The following TBCK variants were observed in gnomAD, a reference collection of about 807,000 sequenced individuals.
The protein encoded by TBCK is TBC domain-containing protein kinase-like protein.
TBCK carries 99 observed loss-of-function variants against 113.4 expected under a neutral mutation model. That is an observed-to-expected ratio of 0.87 (90% CI 0.74 to 1.03). The LOEUF is 1.03. Ranked by LOEUF, TBCK falls within the 50% of genes least tolerant of loss-of-function variation. TBCK has a pLI of 0.00. For synonymous variants in TBCK, 369 were observed against 370.8 expected (o/e 1.00, Z 0.05); for missense variants, 1,045 against 1,061.3 (o/e 0.98, Z 0.21).
At chr4:106,244,259 A>C (rs965614570) in intron 11 of TBCK, among the ~76,000 whole-genome samples, 3 of 152,180 alleles carry the variant, frequency 2.0e-5, no homozygotes, top group Non-Finnish European at 4.4e-5. Context: ...ATAGTTCTTC[A>C]TAGTAGGAAC....
At chr4:106,155,145 A>AT (rs77812482) in intron 23 of TBCK, among the ~76,000 whole-genome samples, 21,241 of 146,240 alleles carry the variant, frequency 0.15, 1,633 homozygotes, top group South Asian at 0.25. Context: ...CTAGGGTAAA[A>AT]TTTTTTTTTT....
intron 19 of TBCK, among the ~76,000 whole-genome samples, chr4:106,217,254 C>T (rs897006115): frequency 6.6e-6 from 1 of 152,100 alleles, no homozygotes; most frequent in African/African-American, 2.4e-5. Context: ...AACCCACAGC[C>T]AATATCATAC....
chr4:106,275,745 A>G (rs1177142814), intron 3 of TBCK, among the ~76,000 whole-genome samples: 1 of 152,130 alleles, frequency 6.6e-6, no homozygotes, highest in African/African-American at 2.4e-5. Flanking sequence ...ATAAACTATA[A>G]AACACTGTTG....
intron 12 of TBCK, 84 bp from the exon 13 acceptor site, chr4:106,236,892 C>A: frequency 2.9e-6 from 2 of 694,220 alleles, no homozygotes; most frequent in Non-Finnish European, 2.2e-6. Context: ...AGTAATATAA[C>A]AACTATAAAT....
chr4:106,110,728 T>G (rs751468098), intron 24 of TBCK, among the ~76,000 whole-genome samples: 3 of 152,134 alleles, frequency 2.0e-5, no homozygotes, highest in African/African-American at 7.2e-5. Context: ...GCTCTGGTCC[T>G]ACTCTACACA....
At chr4:106,255,640 G>C (rs1761906941) in intron 5 of TBCK, among the ~76,000 whole-genome samples, 1 of 152,032 alleles carries the variant, frequency 6.6e-6, no homozygotes. Flanking sequence ...AAAGTTCCTA[G>C]GTCTGGGCTC....
chr4:106,120,212 C>T (rs1400123935), intron 23 of TBCK, among the ~76,000 whole-genome samples: 1 of 152,144 alleles, frequency 6.6e-6, no homozygotes, highest in African/African-American at 2.4e-5. Context: ...GACTGATGCA[C>T]CTGGAAAATC....
chr4:106,119,728 T>C (rs72964437), intron 23 of TBCK, among the ~76,000 whole-genome samples: 4,184 of 152,198 alleles, frequency 0.027, 186 homozygotes, highest in African/African-American at 0.096. Flanking sequence ...AGAGACAACT[T>C]GCAGAATGGG....
intron 19 of TBCK, 135 bp from the exon 20 acceptor site, chr4:106,212,970 T>C (rs1377994071): frequency 3.3e-6 from 2 of 606,160 alleles, no homozygotes; most frequent in Admixed American, 3.3e-5. Context: ...TAATTTTGTT[T>C]TGTTACTATT....
intron 20 of TBCK, among the ~76,000 whole-genome samples, chr4:106,197,364 GTGTA>G (rs1431471111): frequency 7.0e-6 from 1 of 143,830 alleles, no homozygotes; most frequent in African/African-American, 2.5e-5. Context: ...GTGTGTGTGT[GTGTA>G]CACAGAAAAC....
At chr4:106,305,430 T>A (rs1242307695) in intron 2 of TBCK, among the ~76,000 whole-genome samples, 1 of 152,056 alleles carries the variant, frequency 6.6e-6, no homozygotes, top group Non-Finnish European at 1.5e-5. Context: ...AAATAAAACA[T>A]AACAGACAGA....
At chr4:106,196,835 C>G (rs559861986) in intron 20 of TBCK, among the ~76,000 whole-genome samples, 2 of 152,146 alleles carry the variant, frequency 1.3e-5, no homozygotes, top group South Asian at 4.2e-4. Flanking sequence ...TTACCTTCTC[C>G]CTTTTTGATG....
chr4:106,065,921 T>TA (rs1052974704), intron 25 of TBCK, among the ~76,000 whole-genome samples: 1 of 152,054 alleles, frequency 6.6e-6, no homozygotes, highest in Non-Finnish European at 1.5e-5. Context: ...TTTATCTAGA[T>TA]AAAAAATGGC....
At chr4:106,227,448 C>T (rs28521931) in intron 19 of TBCK, among the ~76,000 whole-genome samples, 171 of 151,770 alleles carry the variant, frequency 1.1e-3, no homozygotes, top group African/African-American at 4.0e-3. Flanking sequence ...TTCCTTTCTG[C>T]TTCCTTTCTA....
At chr4:106,163,656 A>C (rs1560744437) in intron 23 of TBCK, 1 of 152,198 alleles carries the variant, frequency 6.6e-6, no homozygotes, top group Admixed American at 6.5e-5. Flanking sequence ...ATGAGAGCCA[A>C]GCAAAGGAGA....
intron 19 of TBCK, among the ~76,000 whole-genome samples, chr4:106,228,489 T>C (rs61610478): frequency 0.011 from 1,714 of 152,116 alleles, 32 homozygotes; most frequent in African/African-American, 0.039. Flanking sequence ...AGTGAGAACA[T>C]GTGAAGCCTG....
At position 106,195,689 on chromosome 4, in the gene TBCK, C is replaced by T. The variant is rs546407709; in HGVS notation, c.1861-935G>A. Among the ~76,000 whole-genome samples, 27 of 152,094 alleles carry T rather than the reference C, an allele frequency of 1.8e-4. No homozygotes were observed. The South Asian group carries it at 5.6e-3, about 32-fold the overall frequency. ...CACTGCTTGAGCCGGAACATTTCAT[C>T]TAATCTTCCCCTGCCTTTAGACTGG... On this transcript the variant is annotated intron_variant, in intron 20 of 25. Transcript: ENST00000394708.
chr4:106,316,385 A>AG (rs1156894060), upstream of TBCK: 10 of 665,536 alleles, frequency 1.5e-5, no homozygotes, highest in Non-Finnish European at 2.1e-5. Context: ...ATACTGGGTG[A>AG]GGGAATGGAA....
At chr4:106,198,801 C>A (rs910690592) in intron 20 of TBCK, among the ~76,000 whole-genome samples, 8 of 151,876 alleles carry the variant, frequency 5.3e-5, no homozygotes, top group African/African-American at 1.9e-4. Context: ...TGCCACGTGT[C>A]CCACTCTAGC....
Sources: allele counts gnomAD v4.1 joint callset (sites outside exome capture counted in the v4.1 genomes callset), GRCh38; gene constraint gnomAD v4.1.1; transcripts MANE v1.5; gene names NCBI Gene and HGNC (gene_info 2026-07-23, HGNC 2026-07-21).